PLEKHA2: variants seen among roughly 807,000 people sequenced by gnomAD.
PLEKHA2 encodes pleckstrin homology domain-containing family A member 2.
In PLEKHA2, 28 loss-of-function variants were observed where a neutral mutation model predicts 53.2. That is an observed-to-expected ratio of 0.53 (90% CI 0.39 to 0.72). The LOEUF (loss-of-function observed/expected upper bound fraction) is 0.72. PLEKHA2 is among the 30% of genes least tolerant of loss of function. PLEKHA2 has a pLI of 0.00. For synonymous variants in PLEKHA2, 193 were observed against 196.4 expected (o/e 0.98, Z 0.14); for missense variants, 426 against 537.9 (o/e 0.79, Z 2.06).
At position 38,952,088 on chromosome 8, in the gene PLEKHA2, T is replaced by G. The variant is rs1040625750; in HGVS notation, c.487-78T>G. Reference sequence around the variant, plus strand: ...TGACTTAGGGCAAAGAGGCCAGAGATTCAGGCAGAGGGAGGTAGGTGGGGC... The same window carrying G: ...TGACTTAGGGCAAAGAGGCCAGAGAGTCAGGCAGAGGGAGGTAGGTGGGGC... On this transcript the variant is annotated intron_variant, in intron 6 of 11. Transcript: ENST00000617275. The G allele has an allele frequency of 5.3e-6, 8 of 1,498,224 alleles. No individual in the cohort carries two copies. The East Asian group carries it at 1.4e-4, about 27-fold the overall frequency. 92.8% of individuals were successfully genotyped at this position (1,498,224 alleles called of 1,614,324 possible).
chr8:38,951,469 G>GTTTT lies in PLEKHA2; in HGVS notation c.486+500_486+503dup, dbSNP rs144541661. Among the ~76,000 whole-genome samples, 84 of 91,798 alleles carry GTTTT rather than the reference G, an allele frequency of 9.2e-4. 1 individual carries two copies. The highest frequency in any genetic ancestry group is 2.4e-3 in the African/African-American group (53 of 22,218). 60.2% of individuals were successfully genotyped at this position (91,798 alleles called of 152,430 possible). A position where few individuals can be genotyped will look rare whatever the true frequency, so the allele number is the denominator to read the frequency against. Reference sequence around the variant, plus strand: ...GTTTTAATTATTTATATTTATTTAAGTTTTTTTTTTTTTTTTTTTTTTTTG... The same window carrying GTTTT: ...GTTTTAATTATTTATATTTATTTAAGTTTTTTTTTTTTTTTTTTTTTTTTTTTTG... On this transcript the variant is annotated intron_variant, in intron 6 of 11. Coordinates refer to ENST00000617275, the MANE Select transcript of PLEKHA2 (RefSeq NM_021623.2).
chr8:38,934,290 T>C (rs1036251931), intron 2 of PLEKHA2, among the ~76,000 whole-genome samples: 3 of 152,112 alleles, frequency 2.0e-5, no homozygotes, highest in Non-Finnish European at 4.4e-5. Context: ...CCACGCCTGG[T>C]CCACCAGAGA....
At position 38,971,190 on chromosome 8, in the gene PLEKHA2, CTG is replaced by C; in HGVS notation, c.*1408_*1409del. The C allele has an allele frequency of 6.6e-6, 1 of 152,316 alleles. No homozygotes were observed. Among genetic ancestry groups the C allele is most frequent in the Non-Finnish European group, 1.5e-5 (1 of 68,058 alleles). The allele number at this position is 152,316 out of a possible 1,614,324, so 9.4% of individuals were successfully genotyped here. On this transcript the variant is annotated 3_prime_UTR_variant, in exon 12 of 12. Coordinates refer to ENST00000617275, the MANE Select transcript of PLEKHA2 (RefSeq NM_021623.2). ...TTGTTTCCCTGAAGTCTATGTCACA[CTG>C]AGAACTTTTTCTGACTGCACTGCTT... is the stretch of plus-strand genomic sequence containing the variant.
chr8:38,941,073 T>A (rs1336623836), intron 3 of PLEKHA2, among the ~76,000 whole-genome samples: 7 of 107,430 alleles, frequency 6.5e-5, no homozygotes, highest in South Asian at 2.9e-4. Flanking sequence ...TTTTTTTTTT[T>A]AAAGACAGAG....
intron 1 of PLEKHA2, among the ~76,000 whole-genome samples, chr8:38,910,118 G>A (rs1285284571): frequency 4.0e-5 from 6 of 151,808 alleles, no homozygotes; most frequent in African/African-American, 1.2e-4. Flanking sequence ...TACCATGCCC[G>A]GCTAATTTTT....
At chr8:38,953,642 C>A (rs556118503) in intron 9 of PLEKHA2, among the ~76,000 whole-genome samples, 6 of 152,272 alleles carry the variant, frequency 3.9e-5, no homozygotes, top group East Asian at 1.9e-4. Context: ...GGTATAGAAA[C>A]AAAGAGTGGG....
At chr8:38,947,534 G>T (rs1171619797) in intron 5 of PLEKHA2, among the ~76,000 whole-genome samples, 5 of 151,718 alleles carry the variant, frequency 3.3e-5, no homozygotes, top group Non-Finnish European at 7.4e-5. Context: ...GAGGCAGGAG[G>T]ATCACTTGAG....
chr8:38,927,014 A>C (rs2129417333), intron 2 of PLEKHA2, among the ~76,000 whole-genome samples: 1 of 152,370 alleles, frequency 6.6e-6, no homozygotes, highest in East Asian at 1.9e-4. Context: ...AAGTCCAAGC[A>C]GCTAAACAGA....
At chr8:38,944,103 G>A (rs1170135038) in intron 4 of PLEKHA2, among the ~76,000 whole-genome samples, 2 of 151,362 alleles carry the variant, frequency 1.3e-5, no homozygotes, top group Non-Finnish European at 1.5e-5. Flanking sequence ...TTTTTAAGTT[G>A]ACAAATAATA....
intron 3 of PLEKHA2, among the ~76,000 whole-genome samples, chr8:38,941,052 T>G (rs1242212774): frequency 1.6e-5 from 2 of 121,962 alleles, no homozygotes; most frequent in Non-Finnish European, 3.4e-5. Context: ...AAATCTAAGG[T>G]ATCTTTTTTT....
At chr8:38,966,771 A>T (rs1038954569) in intron 10 of PLEKHA2, among the ~76,000 whole-genome samples, 7 of 151,260 alleles carry the variant, frequency 4.6e-5, no homozygotes, top group Non-Finnish European at 5.9e-5. Context: ...TAAAAGTTTT[A>T]TTCACAATAG....
At chr8:38,964,824 TTTTA>T (rs1835103557) in intron 10 of PLEKHA2, among the ~76,000 whole-genome samples, 1 of 151,128 alleles carries the variant, frequency 6.6e-6, no homozygotes, top group African/African-American at 2.4e-5. Context: ...TTTAAAGTGA[TTTTA>T]TTTTATTTTT....
chr8:38,950,837 C>T lies in PLEKHA2; in HGVS notation c.346-13C>T, dbSNP rs755095081. ...TTCTGTTCCCCATTGATTGTTGCTG[C>T]CGCTCACCCCAGGTTCCCAAAGGTG... On this transcript the variant is annotated splice_polypyrimidine_tract_variant and intron_variant, in intron 5 of 11. Transcript: ENST00000617275. The T allele has an allele frequency of 1.9e-6, 3 of 1,608,560 alleles. No homozygotes were observed. The highest frequency in any genetic ancestry group is 2.2e-5 in the South Asian group (2 of 90,778).
Position 38,918,161 on chromosome 8 carries a change from C to T in PLEKHA2, c.141+91C>T, listed in dbSNP as rs375203740. On this transcript the variant is annotated intron_variant, in intron 2 of 11. Transcript: ENST00000617275. ...CAGGGTTAGCCTCCAGGCCTAGGCT[C>T]GTGAGCAACACAACCTGCTGATCAG... 2.0e-5 allele frequency: 30 copies of T among 1,466,848 alleles called. No homozygotes were observed. In the South Asian group the frequency reaches 3.1e-4, roughly 15 times the overall value. 90.9% of individuals were successfully genotyped at this position (1,466,848 alleles called of 1,614,324 possible). A position where few individuals can be genotyped will look rare whatever the true frequency, so the allele number is the denominator to read the frequency against.
At chr8:38,931,134 C>T (rs939475919) in intron 2 of PLEKHA2, among the ~76,000 whole-genome samples, 18 of 152,118 alleles carry the variant, frequency 1.2e-4, no homozygotes, top group African/African-American at 3.9e-4. Context: ...AGAAATTAGC[C>T]GGGTGTGGTG....
intron 2 of PLEKHA2, among the ~76,000 whole-genome samples, chr8:38,924,396 A>T (rs1457732821): frequency 1.3e-5 from 2 of 152,096 alleles, no homozygotes; most frequent in East Asian, 3.9e-4. Flanking sequence ...TTCTTTATTG[A>T]GGAAATGTTC....
In PLEKHA2 at chr8:38,953,365, T is replaced by G; in HGVS notation, c.771T>G (p.Ser257=). 2 of 1,607,344 alleles carry G rather than the reference T, an allele frequency of 1.2e-6. No individual in the cohort carries two copies. Among genetic ancestry groups the G allele is most frequent in the Non-Finnish European group, 1.7e-6 (2 of 1,173,844 alleles). The stretch of plus-strand genomic sequence containing the variant: ...AGACCCATGAATGTCTGGTCAAGTC[T>G]GGGTAATTGTGTCTGCTTTTTCTCT... ...VLKTHECLVK[S]GDLLMRDNLF... is the part of the protein sequence containing the mutation. Residue 257 remains serine, a splice_region_variant and synonymous_variant, in exon 9 of 12, where the codon TCT becomes TCG. Coordinates refer to ENST00000617275, the MANE Select transcript of PLEKHA2 (RefSeq NM_021623.2).
At position 38,969,446 on chromosome 8, in the gene PLEKHA2, C is replaced by A. The variant is rs1234399290; in HGVS notation, c.941C>A (p.Ser314Tyr). The change falls in exon 12 of 12, where the codon TCT becomes TAT. Residue 314 changes from serine to tyrosine, a missense_variant. Transcript: ENST00000617275. ...PRETSFSRSI[S>Y]LTRPGSSSLS... Reference sequence around the variant, plus strand: ...GAAACGTCCTTTTCTAGATCCATTTCTTTGACCCGACCTGGAAGCTCCAGC... The same window carrying A: ...GAAACGTCCTTTTCTAGATCCATTTATTTGACCCGACCTGGAAGCTCCAGC... The A allele has an allele frequency of 6.2e-7, 1 of 1,613,168 alleles. No homozygotes were observed. Among genetic ancestry groups the A allele is most frequent in the Admixed American group, 1.7e-5 (1 of 59,666 alleles).
At chr8:38,966,464 A>G (rs4489297) in intron 10 of PLEKHA2, among the ~76,000 whole-genome samples, 72,669 of 151,948 alleles carry the variant, frequency 0.48, 17,719 homozygotes, top group East Asian at 0.75. Flanking sequence ...ATTTCTGGAG[A>G]TTCTGCCTGG....
Sources: allele counts gnomAD v4.1 joint callset (sites outside exome capture counted in the v4.1 genomes callset), GRCh38; gene constraint gnomAD v4.1.1; transcripts MANE v1.5; gene names NCBI Gene and HGNC (gene_info 2026-07-23, HGNC 2026-07-21).